LSAMP: variants seen among roughly 807,000 people sequenced by gnomAD.
LSAMP encodes limbic system associated membrane protein.
LSAMP carries 7 observed loss-of-function variants against 38.6 expected under a neutral mutation model. The observed-to-expected ratio is 0.18, with a 90% CI of 0.10 to 0.34. LSAMP has a LOEUF of 0.34. Ranked by LOEUF, LSAMP falls within the 10% of genes least tolerant of loss-of-function variation. The pLI, the probability that LSAMP is intolerant of heterozygous loss-of-function variation, is 1.00. For synonymous variants in LSAMP, 154 were observed against 166.8 expected (o/e 0.92, Z 0.59); for missense variants, 313 against 420.0 (o/e 0.75, Z 2.23).
chr3:116,254,491 T>C (rs2046725196), intron 1 of LSAMP, among the ~76,000 whole-genome samples: 1 of 152,030 alleles, frequency 6.6e-6, no homozygotes, highest in Admixed American at 6.6e-5. Flanking sequence ...GAAGACCCAA[T>C]GTGCCACAAT....
intron 1 of LSAMP, among the ~76,000 whole-genome samples, chr3:116,140,444 T>C (rs1709345414): frequency 6.6e-6 from 1 of 152,018 alleles, no homozygotes; most frequent in Non-Finnish European, 1.5e-5. Context: ...TACAATTATT[T>C]AAACGCGATG....
intron 1 of LSAMP, among the ~76,000 whole-genome samples, chr3:116,209,992 G>T (rs1484136128): frequency 6.6e-6 from 1 of 152,064 alleles, no homozygotes; most frequent in Non-Finnish European, 1.5e-5. Context: ...TTGACTTCGT[G>T]ATCCGCCCAC....
chr3:116,230,620 A>G (rs2046392265), intron 1 of LSAMP, among the ~76,000 whole-genome samples: 1 of 152,136 alleles, frequency 6.6e-6, no homozygotes, highest in African/African-American at 2.4e-5. Context: ...GTGTGAAGAC[A>G]GCTTTCATAA....
At chr3:116,091,305 G>A (rs1187145511) in intron 1 of LSAMP, among the ~76,000 whole-genome samples, 1 of 152,068 alleles carries the variant, frequency 6.6e-6, no homozygotes, top group East Asian at 1.9e-4. Flanking sequence ...TTTTTTCAAG[G>A]TGCCCACATT....
chr3:116,310,898 A>T (rs893877395), intron 1 of LSAMP, among the ~76,000 whole-genome samples: 1 of 139,168 alleles, frequency 7.2e-6, no homozygotes, highest in Non-Finnish European at 1.5e-5. Context: ...GGTGAGGAGG[A>T]AGATGATGAT....
chr3:116,113,072 A>G (rs572554882), intron 1 of LSAMP, among the ~76,000 whole-genome samples: 124 of 152,218 alleles, frequency 8.1e-4, no homozygotes, highest in Non-Finnish European at 1.4e-3. Context: ...GGCAGAGAGA[A>G]GGATGCATAC....
At chr3:116,268,551 G>GTAAC (rs1404458437) in intron 1 of LSAMP, among the ~76,000 whole-genome samples, 1 of 152,094 alleles carries the variant, frequency 6.6e-6, no homozygotes, top group African/African-American at 2.4e-5. Flanking sequence ...TTAGAGCACT[G>GTAAC]TAACTGGTGG....
intron 2 of LSAMP, among the ~76,000 whole-genome samples, chr3:116,034,618 T>C (rs1449809620): frequency 6.6e-6 from 1 of 152,156 alleles, no homozygotes; most frequent in Non-Finnish European, 1.5e-5. Context: ...AAGGAAACAA[T>C]ACTCAGGGCC....
intron 3 of LSAMP, among the ~76,000 whole-genome samples, chr3:116,018,976 T>G (rs1399594999): frequency 6.6e-6 from 1 of 152,156 alleles, no homozygotes; most frequent in Non-Finnish European, 1.5e-5. Flanking sequence ...TTGATAGATT[T>G]CTTCACAAGG....
At chr3:116,113,281 T>A (rs547832112) in intron 1 of LSAMP, among the ~76,000 whole-genome samples, 16 of 147,372 alleles carry the variant, frequency 1.1e-4, no homozygotes, top group Middle Eastern at 3.4e-3. Context: ...TGTTAAGTCA[T>A]TCTCTCTCTT....
chr3:116,017,586 T>C (rs1469023807), intron 3 of LSAMP, among the ~76,000 whole-genome samples: 1 of 152,070 alleles, frequency 6.6e-6, no homozygotes. Flanking sequence ...ATGTGTAATT[T>C]ATGTATAATA....
intron 3 of LSAMP, among the ~76,000 whole-genome samples, chr3:115,945,519 T>C (rs188966097): frequency 3.9e-5 from 6 of 152,238 alleles, no homozygotes; most frequent in Admixed American, 3.9e-4. Context: ...GTCACACAAC[T>C]TTGAAGCTTC....
intron 1 of LSAMP, among the ~76,000 whole-genome samples, chr3:116,401,705 T>C (rs2048843407): frequency 6.6e-6 from 1 of 152,188 alleles, no homozygotes; most frequent in Admixed American, 6.5e-5. Context: ...TCTTCCTCAA[T>C]TCACACAGCA....
intron 3 of LSAMP, among the ~76,000 whole-genome samples, chr3:115,939,535 T>TCTTC (rs1937825906): frequency 1.7e-5 from 1 of 59,962 alleles, no homozygotes; most frequent in Non-Finnish European, 4.0e-5. Context: ...TCTTTCTCTT[T>TCTTC]CTTTCTTTCT....
intron 1 of LSAMP, among the ~76,000 whole-genome samples, chr3:116,365,743 C>G (rs2048342118): frequency 9.7e-6 from 1 of 103,034 alleles, no homozygotes; most frequent in African/African-American, 5.3e-5. Flanking sequence ...AACCATCATT[C>G]TCAGTAAACT....
At chr3:116,122,996 T>A (rs1425327576) in intron 1 of LSAMP, among the ~76,000 whole-genome samples, 1 of 152,220 alleles carries the variant, frequency 6.6e-6, no homozygotes, top group Non-Finnish European at 1.5e-5. Flanking sequence ...TACTATAAAC[T>A]GTAGGCACTG....
chr3:116,373,644 T>C (rs1333327774), intron 1 of LSAMP, among the ~76,000 whole-genome samples: 1 of 151,852 alleles, frequency 6.6e-6, no homozygotes, highest in Non-Finnish European at 1.5e-5. Flanking sequence ...GTACCTAATT[T>C]CCCCAACTCT....
At chr3:116,329,704 C>A (rs1023044229) in intron 1 of LSAMP, among the ~76,000 whole-genome samples, 4 of 151,938 alleles carry the variant, frequency 2.6e-5, no homozygotes, top group Admixed American at 1.3e-4. Context: ...ATGATAAAAA[C>A]TGGAGTAGAA....
At chr3:116,353,105 C>T (rs990513816) in intron 1 of LSAMP, among the ~76,000 whole-genome samples, 1 of 152,012 alleles carries the variant, frequency 6.6e-6, no homozygotes, top group African/African-American at 2.4e-5. Context: ...TAGGATCTGA[C>T]CTCTGGATAA....
Sources: allele counts gnomAD v4.1 joint callset (sites outside exome capture counted in the v4.1 genomes callset), GRCh38; gene constraint gnomAD v4.1.1; transcripts MANE v1.5; gene names NCBI Gene and HGNC (gene_info 2026-07-23, HGNC 2026-07-21).